SAMD12: variants seen among roughly 807,000 people sequenced by gnomAD.
SAMD12 encodes sterile alpha motif domain-containing protein 12.
A neutral mutation model predicts 15.0 loss-of-function variants in SAMD12; 9 were observed. The observed-to-expected ratio is 0.60, with a 90% CI of 0.36 to 1.05. SAMD12 has a LOEUF of 1.05. Ranked by LOEUF, SAMD12 falls within the 50% of genes least tolerant of loss-of-function variation. The pLI is 0.01. For synonymous variants in SAMD12, 86 were observed against 90.1 expected (o/e 0.96, Z 0.25); for missense variants, 230 against 234.2 (o/e 0.98, Z 0.12).
chr8:118,220,320 T>C (rs1308899598), intron 4 of SAMD12, among the ~76,000 whole-genome samples: 1 of 152,242 alleles, frequency 6.6e-6, no homozygotes, highest in South Asian at 2.1e-4. Flanking sequence ...TACAAAGATA[T>C]ATCTATCCAC....
intron 3 of SAMD12, among the ~76,000 whole-genome samples, chr8:118,430,190 C>T (rs1199198602): frequency 6.6e-6 from 1 of 152,138 alleles, no homozygotes; most frequent in African/African-American, 2.4e-5. Context: ...ATTGACAATG[C>T]TGTTCAGATC....
chr8:118,410,096 G>C (rs1450281964), intron 3 of SAMD12, among the ~76,000 whole-genome samples: 1 of 151,996 alleles, frequency 6.6e-6, no homozygotes, highest in Admixed American at 6.6e-5. Flanking sequence ...TTTCTATTTA[G>C]AAATGTTTTT....
chr8:118,287,021 G>A lies in SAMD12; in HGVS notation c.434-89289C>T, dbSNP rs538553863. 5.9e-5 allele frequency among the ~76,000 whole-genome samples: 9 copies of A among 151,892 alleles called. No homozygotes were observed. In the South Asian group the frequency reaches 1.9e-3, roughly 32 times the overall value. ...TGACCCTACACATTTTTTCTCAGCT[G>A]TAAAATTAAGTTGTTTTAAGATAAT... On this transcript the variant is annotated intron_variant, in intron 4 of 4. Transcript: ENST00000409003.
chr8:118,143,150 A>G, the SAMD12 span, among the ~76,000 whole-genome samples: 1 of 152,112 alleles, frequency 6.6e-6, no homozygotes, highest in Admixed American at 6.6e-5. Flanking sequence ...CACAGTCAAG[A>G]CTTTTGATTA....
At chr8:118,615,655 A>G (rs1828221770) in intron 1 of SAMD12, among the ~76,000 whole-genome samples, 1 of 152,154 alleles carries the variant, frequency 6.6e-6, no homozygotes, top group African/African-American at 2.4e-5. Flanking sequence ...CTACCCTTGT[A>G]ATATGTCACC....
intron 4 of SAMD12, among the ~76,000 whole-genome samples, chr8:118,251,378 C>T (rs1812816810): frequency 6.6e-6 from 1 of 152,058 alleles, no homozygotes; most frequent in Non-Finnish European, 1.5e-5. Flanking sequence ...GGCATCAAAG[C>T]CCGCCCTGGT....
chr8:118,153,742 G>A, the SAMD12 span, among the ~76,000 whole-genome samples: 6 of 152,240 alleles, frequency 3.9e-5, no homozygotes, highest in African/African-American at 1.4e-4. Context: ...CTAGGTCAGA[G>A]TGATATCTTT....
intron 4 of SAMD12, among the ~76,000 whole-genome samples, chr8:118,352,460 G>GA (rs558767794): frequency 4.9e-4 from 72 of 146,822 alleles, no homozygotes; most frequent in Middle Eastern, 3.5e-3. Context: ...AGGTGGTTCA[G>GA]AAAAAAAAAA....
chr8:118,489,028 T>G (rs1824362816), intron 2 of SAMD12, among the ~76,000 whole-genome samples: 1 of 152,226 alleles, frequency 6.6e-6, no homozygotes. Context: ...GGTATTGACA[T>G]TTGTTTCCAT....
In SAMD12 at chr8:118,621,799, C is replaced by T. The variant is rs898133729; in HGVS notation, c.13+5G>A. ...GAGCTTAAAAATGCCCCAAGCGTCCCTTACCTTCCACAGCCATTCTCTCAG... is the reference window on the plus strand; with the variant it reads ...GAGCTTAAAAATGCCCCAAGCGTCCTTTACCTTCCACAGCCATTCTCTCAG... On this transcript the variant is annotated splice_donor_5th_base_variant and intron_variant, in intron 1 of 3. Coordinates refer to ENST00000314727, the MANE Select transcript of SAMD12 (RefSeq NM_207506.3). 5.0e-6 allele frequency: 8 copies of T among 1,614,014 alleles called. No homozygotes were observed. Among genetic ancestry groups the T allele is most frequent in the African/African-American group, 1.3e-5 (1 of 74,926 alleles).
intron 2 of SAMD12, among the ~76,000 whole-genome samples, chr8:118,477,864 A>G (rs1186325083): frequency 1.3e-5 from 2 of 151,830 alleles, no homozygotes; most frequent in African/African-American, 4.8e-5. Flanking sequence ...ATACAAAAAA[A>G]ATTAGTCAGG....
chr8:118,232,378 G>A (rs766528965), intron 4 of SAMD12, among the ~76,000 whole-genome samples: 3 of 152,094 alleles, frequency 2.0e-5, no homozygotes, highest in Non-Finnish European at 4.4e-5. Context: ...TCCCATTAGA[G>A]GATCAGCAGA....
intron 2 of SAMD12, among the ~76,000 whole-genome samples, chr8:118,553,167 A>T (rs62531925): frequency 0.097 from 14,766 of 152,078 alleles, 775 homozygotes; most frequent in Middle Eastern, 0.16. Context: ...TCTTCACAGA[A>T]TTGGAAAAAA....
At chr8:118,555,110 A>G (rs955848724) in intron 2 of SAMD12, among the ~76,000 whole-genome samples, 2 of 152,240 alleles carry the variant, frequency 1.3e-5, no homozygotes, top group Admixed American at 1.3e-4. Flanking sequence ...AAAAGGGGTA[A>G]TATCCATCTG....
At chr8:118,507,159 T>C (rs1001779788) in intron 2 of SAMD12, among the ~76,000 whole-genome samples, 1 of 152,064 alleles carries the variant, frequency 6.6e-6, no homozygotes, top group Non-Finnish European at 1.5e-5. Flanking sequence ...ACCTCATTGA[T>C]ACCTTGTGCC....
chr8:118,488,038 T>C (rs1824336579), intron 2 of SAMD12, among the ~76,000 whole-genome samples: 1 of 152,060 alleles, frequency 6.6e-6, no homozygotes, highest in Non-Finnish European at 1.5e-5. Context: ...TCCATAAGTA[T>C]GTGAAAGCAG....
intron 3 of SAMD12, among the ~76,000 whole-genome samples, chr8:118,420,303 AT>A (rs1438490502): frequency 7.9e-5 from 12 of 152,092 alleles, no homozygotes; most frequent in African/African-American, 2.9e-4. Context: ...GTGTGTGTAT[AT>A]ATAGGAGGGT....
intron 2 of SAMD12, among the ~76,000 whole-genome samples, chr8:118,451,090 G>A (rs180992120): frequency 4.3e-4 from 65 of 152,278 alleles, no homozygotes; most frequent in Middle Eastern, 3.4e-3. Flanking sequence ...ACTGCTAGTA[G>A]AGAAACATGC....
intron 3 of SAMD12, chr8:118,395,018 C>A (rs1037941550): frequency 6.6e-6 from 1 of 152,186 alleles, no homozygotes; most frequent in Non-Finnish European, 1.5e-5. Context: ...TGCTTTAAGT[C>A]TCCGTTTTCC....
Sources: gnomAD v4.1 joint callset for allele counts (sites outside exome capture counted in the v4.1 genomes callset) on GRCh38, gnomAD v4.1.1 for gene constraint, MANE v1.5 for transcripts, NCBI Gene and HGNC (gene_info 2026-07-23, HGNC 2026-07-21) for gene names.